IL1RAPL2: variants seen among roughly 807,000 people sequenced by gnomAD.
IL1RAPL2 encodes interleukin 1 receptor accessory protein like 2, also known as X-linked interleukin-1 receptor accessory protein-like 2.
Under a neutral mutation model 44.1 loss-of-function variants are expected in IL1RAPL2, and 3 were observed. The ratio of observed to expected loss-of-function variants is 0.07; its 90% CI spans 0.03 to 0.18. The LOEUF is 0.18. Ranked by LOEUF, IL1RAPL2 falls within the 10% of genes least tolerant of loss-of-function variation. The pLI, the probability that IL1RAPL2 is intolerant of heterozygous loss-of-function variation, is 1.00. For missense variants in IL1RAPL2, 391 were observed against 496.4 expected (o/e 0.79, Z 2.02); for synonymous variants, 181 against 178.8 (o/e 1.01, Z -0.10).
intron 2 of IL1RAPL2, among the ~76,000 whole-genome samples, chrX:104,905,194 T>G (rs1923950300): frequency 1.8e-5 from 2 of 112,090 alleles, no homozygotes; most frequent in Admixed American, 1.9e-4. Flanking sequence ...TTGTAGATTC[T>G]GGATATTAGT....
chrX:105,721,143 C>T (rs953809221), intron 7 of IL1RAPL2, among the ~76,000 whole-genome samples: 2 of 111,453 alleles, frequency 1.8e-5, no homozygotes, highest in African/African-American at 3.3e-5. Context: ...GGGCCAGGAG[C>T]GGTGGCTCAT....
At chrX:105,062,153 C>T (rs1379523691) in intron 2 of IL1RAPL2, among the ~76,000 whole-genome samples, 1 of 110,944 alleles carries the variant, frequency 9.0e-6, no homozygotes, top group African/African-American at 3.3e-5. Flanking sequence ...TTTTCTTTGG[C>T]AGCGTGATTT....
intron 2 of IL1RAPL2, among the ~76,000 whole-genome samples, chrX:104,940,080 TTAG>T (rs774981058): frequency 4.0e-4 from 45 of 111,810 alleles, no homozygotes; most frequent in South Asian, 1.9e-3. Flanking sequence ...TTAAAATGTA[TTAG>T]TTGTATAGTA....
At chrX:104,838,832 TTTCTTTCTTTCTTTC>T (rs1921816223) in intron 2 of IL1RAPL2, among the ~76,000 whole-genome samples, 1 of 55,167 alleles carries the variant, frequency 1.8e-5, no homozygotes, top group Admixed American at 1.8e-4. Context: ...TCTTTCTTTC[TTTCTTTCTTTCTTTC>T]TTTTTTTTTT....
At position 105,579,362 on chromosome X, in the gene IL1RAPL2, A is replaced by G. The variant is rs760730275; in HGVS notation, c.772+94975A>G. ...CCAAGCATATTTTCTTTTATATGCA[A>G]CATTTTTCTTTATATGCAATATATA... On this transcript the variant is annotated intron_variant, in intron 6 of 10. Transcript: ENST00000372582. Among the ~76,000 whole-genome samples the G allele has an allele frequency of 1.1e-3, 118 of 111,929 alleles. 1 individual carries two copies. Among genetic ancestry groups the G allele is most frequent in the African/African-American group, 3.7e-3 (113 of 30,936 alleles).
At chrX:105,101,620 G>A (rs1385307296) in intron 2 of IL1RAPL2, among the ~76,000 whole-genome samples, 1 of 110,850 alleles carries the variant, frequency 9.0e-6, no homozygotes, top group Non-Finnish European at 1.9e-5. Flanking sequence ...ATACGTAAGT[G>A]TATTTGTAGC....
chrX:104,715,663 C>T (rs1202846693), intron 2 of IL1RAPL2, among the ~76,000 whole-genome samples: 13 of 95,064 alleles, frequency 1.4e-4, no homozygotes, highest in African/African-American at 5.0e-4. Context: ...CAGGAATGAG[C>T]TTCTATTCAC....
At chrX:104,581,586 C>G (rs895545207) in intron 1 of IL1RAPL2, among the ~76,000 whole-genome samples, 3 of 111,486 alleles carry the variant, frequency 2.7e-5, no homozygotes, top group Non-Finnish European at 1.9e-5. Context: ...ACATTCACCT[C>G]AGGAACATTG....
At chrX:105,036,231 A>G (rs1378743127) in intron 2 of IL1RAPL2, among the ~76,000 whole-genome samples, 1 of 112,150 alleles carries the variant, frequency 8.9e-6, no homozygotes, top group Non-Finnish European at 1.9e-5. Context: ...GACCCCTGAA[A>G]CACCCTGGAG....
chrX:104,998,800 T>G (rs1258444464), intron 2 of IL1RAPL2, among the ~76,000 whole-genome samples: 1 of 110,102 alleles, frequency 9.1e-6, no homozygotes, highest in Non-Finnish European at 1.9e-5. Flanking sequence ...CTAGAGTATT[T>G]TATTATTTTA....
intron 6 of IL1RAPL2, among the ~76,000 whole-genome samples, chrX:105,664,453 C>T (rs1214614200): frequency 8.9e-6 from 1 of 111,820 alleles, no homozygotes; most frequent in Non-Finnish European, 1.9e-5. Flanking sequence ...AGATAAACAC[C>T]AGTTGCCAGT....
chrX:105,028,549 A>G (rs1030396419), intron 2 of IL1RAPL2, among the ~76,000 whole-genome samples: 1 of 111,370 alleles, frequency 9.0e-6, no homozygotes, highest in Non-Finnish European at 1.9e-5. Flanking sequence ...TGTATTAGGA[A>G]CATTCAACCT....
intron 6 of IL1RAPL2, among the ~76,000 whole-genome samples, chrX:105,494,139 G>C (rs1445150901): frequency 1.8e-5 from 2 of 111,601 alleles, no homozygotes; most frequent in Non-Finnish European, 1.9e-5. Flanking sequence ...GAATTTATTA[G>C]GAATAAGTGT....
chrX:105,755,263 G>A lies in IL1RAPL2; in HGVS notation c.1279G>A (p.Ala427Thr). 1 of 1,193,953 alleles carries A rather than the reference G, an allele frequency of 8.4e-7. No homozygotes were observed. The highest frequency in any genetic ancestry group is 2.2e-5 in the Admixed American group (1 of 45,968). ...DCDNPEEEQF[A>T]LEVLPDVLEK... ...TGACAATCCTGAAGAAGAGCAGTTT[G>A]CTCTTGAAGTACTGCCAGATGTCCT... The change falls in exon 10 of 11, where the codon GCT becomes ACT. Residue 427 changes from alanine (A) to threonine (T), a missense_variant. By Grantham distance (58) the Ala-to-Thr change is moderately conservative. Around this residue, in one of 2 missense-constraint regions of IL1RAPL2, gnomAD observed 232 missense variants for 244.8 expected, o/e 0.95. Transcript: ENST00000372582.
intron 2 of IL1RAPL2, among the ~76,000 whole-genome samples, chrX:104,951,906 A>G (rs1457494640): frequency 8.9e-6 from 1 of 112,388 alleles, no homozygotes; most frequent in African/African-American, 3.2e-5. Flanking sequence ...GATTTAAAAA[A>G]GACGTTATCT....
chrX:104,747,304 A>G (rs749820026), intron 2 of IL1RAPL2, among the ~76,000 whole-genome samples: 1 of 111,236 alleles, frequency 9.0e-6, no homozygotes, highest in East Asian at 2.9e-4. Flanking sequence ...TGTCTGTTTC[A>G]TTGCCTATGC....
At chrX:105,368,600 G>A (rs1302676031) in intron 5 of IL1RAPL2, among the ~76,000 whole-genome samples, 2 of 111,307 alleles carry the variant, frequency 1.8e-5, no homozygotes, top group African/African-American at 6.5e-5. Context: ...TTTCTTTGCA[G>A]CTTTCAATAT....
intron 5 of IL1RAPL2, among the ~76,000 whole-genome samples, chrX:105,299,805 T>C (rs1248486738): frequency 8.9e-6 from 1 of 112,031 alleles, no homozygotes; most frequent in Non-Finnish European, 1.9e-5. Flanking sequence ...TAACTCTAAC[T>C]ATATTTCTGT....
chrX:104,887,787 C>T (rs1286469570), intron 2 of IL1RAPL2, among the ~76,000 whole-genome samples: 1 of 111,253 alleles, frequency 9.0e-6, no homozygotes, highest in Non-Finnish European at 1.9e-5. Flanking sequence ...TGACCTTAAC[C>T]TATATACCGA....
Sources: gnomAD v4.1 joint callset for allele counts (sites outside exome capture counted in the v4.1 genomes callset) on GRCh38, gnomAD v4.1.1 for gene constraint, gnomAD v4.1.1 regional missense constraint, MANE v1.5 for transcripts, NCBI Gene and HGNC (gene_info 2026-07-23, HGNC 2026-07-21) for gene names.